KRT79: variants seen among roughly 807,000 people sequenced by gnomAD.
KRT79 encodes the protein keratin, type II cytoskeletal 79.
In KRT79, 51 loss-of-function variants were observed where a neutral mutation model predicts 49.0. The observed-to-expected ratio is 1.04, with a 90% CI of 0.83 to 1.31. KRT79 has a LOEUF of 1.31. KRT79 is among the 40% of genes most tolerant of loss of function. KRT79 has a pLI of 0.00. For synonymous variants in KRT79, 312 were observed against 286.6 expected (o/e 1.09, Z -0.90); for missense variants, 728 against 688.0 (o/e 1.06, Z -0.65).
At chr12:52,830,349 G>T (rs758530147) in intron 2 of KRT79, 57 bp from the exon 3 acceptor site, 1 of 1,517,474 alleles carries the variant, frequency 6.6e-7, no homozygotes, top group South Asian at 1.1e-5. Flanking sequence ...TTCAGGCATG[G>T]GACCCACTCA....
In KRT79 at chr12:52,823,234, A is replaced by T. The variant is rs955678278; in HGVS notation, c.1149T>A (p.Cys383Ter). ...QGEADAAKKQ[C>*]QQLQTAIAEA... ...CCGCAATGGCCGTCTGCAGCTGCTG[A>T]CACTGCCCAGGGGAGAAAGGTGTTG... The change falls in exon 7 of 9, where the codon TGT becomes TGA. Residue 383 changes from cysteine to a stop codon, truncating the protein, a stop_gained and splice_region_variant. Coordinates refer to ENST00000330553, the MANE Select transcript of KRT79 (RefSeq NM_175834.3). LOFTEE classifies it high-confidence loss of function. The T allele has an allele frequency of 6.2e-7, 1 of 1,613,884 alleles. No individual in the cohort carries two copies. Among genetic ancestry groups the T allele is most frequent in the Non-Finnish European group, 8.5e-7 (1 of 1,179,822 alleles).
At chr12:52,833,560 A>G (rs921588668) in intron 1 of KRT79, among the ~76,000 whole-genome samples, 1 of 152,120 alleles carries the variant, frequency 6.6e-6, no homozygotes, top group Non-Finnish European at 1.5e-5. Flanking sequence ...AACCGGACTC[A>G]TGAGTAGACT....
rs146097893 is a variant in KRT79 at position 52,831,566 on chromosome 12, G to C, written c.538C>G (p.Gln180Glu). ...CTGGTGACACCCAAGTTCTGGCCCT[G>C]CTCCTGCAGCAGTGCCCACTTGGTC... ...LETKWALLQE[Q>E]GQNLGVTRNN... Residue 180 changes from glutamine (Q) to glutamate (E), a missense_variant, in exon 2 of 9, where the codon CAG becomes GAG. Physicochemically the swap from Gln to Glu is conservative, Grantham distance 29. Coordinates refer to ENST00000330553, the MANE Select transcript of KRT79 (RefSeq NM_175834.3). 436 of 1,614,254 alleles carry C rather than the reference G, an allele frequency of 2.7e-4. No individual in the cohort carries two copies. In the African/African-American group the frequency reaches 5.3e-3, roughly 20 times the overall value.
Position 52,833,924 on chromosome 12 carries a change from C to T in KRT79, c.337G>A (p.Gly113Arg). ...QTFGPACPPG[G>R]IQEVTVNQSL... is the part of the protein sequence containing the mutation. ...TGGTTGACAGTGACCTCCTGGATCC[C>T]CCCAGGAGGACAAGCAGGCCCAAAC... The change falls in exon 1 of 9, where the codon GGG (glycine) becomes AGG (arginine). Residue 113 changes from glycine to arginine, a missense_variant. By Grantham distance (125) the Gly-to-Arg change is moderately radical. Coordinates refer to ENST00000330553, the MANE Select transcript of KRT79 (RefSeq NM_175834.3). The T allele has an allele frequency of 1.2e-6, 2 of 1,613,064 alleles. No homozygotes were observed. Among genetic ancestry groups the T allele is most frequent in the Middle Eastern group, 1.7e-4 (1 of 6,056 alleles).
intron 7 of KRT79, 22 bp downstream of exon 7, chr12:52,822,994 G>A (rs918588923): frequency 1.7e-5 from 28 of 1,610,164 alleles, no homozygotes; most frequent in East Asian, 2.2e-5. Flanking sequence ...AGCTTTCTGG[G>A]TCGGGCAGGA....
chr12:52,831,373 C>G, intron 2 of KRT79, 33 bp downstream of exon 2: 1 of 1,601,860 alleles, frequency 6.2e-7, no homozygotes, highest in South Asian at 1.1e-5. Context: ...CCTCCTCACT[C>G]CCACATGGCC....
chr12:52,824,108 G>A (rs990073844), intron 5 of KRT79, 90 bp downstream of exon 5: 1 of 1,612,008 alleles, frequency 6.2e-7, no homozygotes, highest in East Asian at 2.2e-5. Context: ...TGGCCCCCCG[G>A]ACTCCAAGGG....
intron 4 of KRT79, among the ~76,000 whole-genome samples, chr12:52,826,199 G>C (rs984751297): frequency 6.6e-6 from 1 of 152,048 alleles, no homozygotes; most frequent in Non-Finnish European, 1.5e-5. Context: ...CCACTGGATG[G>C]CATCAAGAGT....
intron 7 of KRT79, 26 bp downstream of exon 7, chr12:52,822,990 C>T: frequency 6.2e-7 from 1 of 1,607,650 alleles, no homozygotes; most frequent in Non-Finnish European, 8.5e-7. Flanking sequence ...ACCCAGCTTT[C>T]TGGGTCGGGC....
Position 52,824,001 on chromosome 12 carries a change from C to A in KRT79, c.1032G>T (p.Leu344=). 1 of 1,614,188 alleles carries A rather than the reference C, an allele frequency of 6.2e-7. No homozygotes were observed. ...CCCCATGCTTCCCAGCAGTCACCTG[C>A]AGCTCCTCATACTGGGGACCAAAGA... ...EAWYQTKYEE[L]QVTAGKHGDN... is the part of the protein sequence containing the mutation. Residue 344 remains leucine (L), a synonymous_variant, in exon 6 of 9, where the codon CTG becomes CTT. Transcript: ENST00000330553.
chr12:52,822,202 C>A, intron 8 of KRT79, 125 bp from the exon 9 acceptor site: 1 of 1,287,652 alleles, frequency 7.8e-7, no homozygotes, highest in Non-Finnish European at 1.1e-6. Flanking sequence ...GATAGAGAAG[C>A]CCAGAACTAG....
At chr12:52,822,928 C>T (rs1312173243) in intron 7 of KRT79, 88 bp downstream of exon 7, 1 of 1,349,124 alleles carries the variant, frequency 7.4e-7, no homozygotes, top group Non-Finnish European at 1.0e-6. Flanking sequence ...TTCCTCTCTC[C>T]CTCTCTTGAC....
At chr12:52,828,850 C>T (rs1444715106) in intron 4 of KRT79, among the ~76,000 whole-genome samples, 1 of 152,158 alleles carries the variant, frequency 6.6e-6, no homozygotes, top group African/African-American at 2.4e-5. Context: ...AGCCCTGTTT[C>T]CTGAACGTCC....
At chr12:52,827,502 T>C (rs938837291) in intron 4 of KRT79, among the ~76,000 whole-genome samples, 4 of 152,024 alleles carry the variant, frequency 2.6e-5, no homozygotes, top group Admixed American at 2.6e-4. Context: ...AGACCATGAA[T>C]GACTATCAAT....
intron 4 of KRT79, among the ~76,000 whole-genome samples, chr12:52,826,257 C>T (rs190656004): frequency 6.6e-6 from 1 of 152,222 alleles, no homozygotes; most frequent in East Asian, 1.9e-4. Flanking sequence ...ATAGAAAGGT[C>T]AGGCTTGGCC....
At chr12:52,832,577 C>G (rs1940270531) in intron 1 of KRT79, among the ~76,000 whole-genome samples, 3 of 151,952 alleles carry the variant, frequency 2.0e-5, no homozygotes, top group South Asian at 4.2e-4. Context: ...CTGGGACAGT[C>G]CCACAGGAAA....
At position 52,824,257 on chromosome 12, in the gene KRT79, G is replaced by A. The variant is rs750511631; in HGVS notation, c.961C>T (p.Gln321Ter). ...CTCCTCTGGGCAATCAGCTCATACT[G>A]GGCCTTGACCTCGGCGATGATGCTG... ...LDSIIAEVKA[Q>*]YELIAQRSRA... is the part of the protein sequence containing the mutation. The change falls in exon 5 of 9, where the codon CAG (glutamine) becomes TAG (stop). Residue 321 changes from glutamine (Q) to a stop codon, truncating the protein, a stop_gained. Transcript: ENST00000330553. LOFTEE classifies it high-confidence loss of function. 1.9e-6 allele frequency: 3 copies of A among 1,614,238 alleles called. No homozygotes were observed. In the South Asian group the frequency reaches 3.3e-5, roughly 18 times the overall value.
At position 52,821,607 on chromosome 12, in the gene KRT79, G is replaced by T. The variant is rs535715654; in HGVS notation, c.*265C>A. 6 of 506,802 alleles carry T rather than the reference G, an allele frequency of 1.2e-5. No homozygotes were observed. Among genetic ancestry groups the T allele is most frequent in the South Asian group, 2.2e-5 (1 of 44,750 alleles). The allele number at this position is 506,802 out of a possible 1,614,324, so 31.4% of individuals were successfully genotyped here. ...GGCTTGAGAAATTCAGCCTCCTCTC[G>T]GTGGTCAAAAGGTCACCCCCAAGTC... On this transcript the variant is annotated 3_prime_UTR_variant, in exon 9 of 9. Transcript: ENST00000330553.
chr12:52,821,946 C>G lies in KRT79; in HGVS notation c.1534G>C (p.Gly512Arg). The G allele has an allele frequency of 6.2e-7, 1 of 1,614,160 alleles. No homozygotes were observed. The highest frequency in any genetic ancestry group is 8.5e-7 in the Non-Finnish European group (1 of 1,180,024). ...GAGGTGCCCGCAGAGACTGGCCCTC[C>G]CTTGACGGTGCTATAGCCCACATTT... ...STNVGYSTVK[G>R]GPVSAGTSIL... The change falls in exon 9 of 9, where the codon GGA becomes CGA. Residue 512 changes from glycine (G) to arginine (R), a missense_variant. Transcript: ENST00000330553.
Sources: gnomAD v4.1 joint callset for allele counts (sites outside exome capture counted in the v4.1 genomes callset) on GRCh38, gnomAD v4.1.1 for gene constraint, MANE v1.5 for transcripts, NCBI Gene and HGNC (gene_info 2026-07-23, HGNC 2026-07-21) for gene names.